ABCB1: variants seen among roughly 807,000 people sequenced by gnomAD.
ABCB1 encodes the protein ATP binding cassette subfamily B member 1.
ABCB1 carries 69 observed loss-of-function variants against 142.0 expected under a neutral mutation model. The observed-to-expected ratio is 0.49, with a 90% CI of 0.40 to 0.59. The LOEUF (loss-of-function observed/expected upper bound fraction) is 0.59. Ranked by LOEUF, ABCB1 falls within the 20% of genes least tolerant of loss-of-function variation. The pLI is 0.00. For missense variants in ABCB1, 1,326 were observed against 1,554.7 expected (o/e 0.85, Z 2.47); for synonymous variants, 532 against 539.2 (o/e 0.99, Z 0.18).
At chr7:87,580,007 T>G (rs1195942743) in intron 4 of ABCB1, among the ~76,000 whole-genome samples, 1 of 152,226 alleles carries the variant, frequency 6.6e-6, no homozygotes, top group East Asian at 1.9e-4. Context: ...GACTGTGTCT[T>G]GAACAGTTAT....
intron 1 of ABCB1, among the ~76,000 whole-genome samples, chr7:87,650,173 G>A (rs1487852241): frequency 6.6e-6 from 1 of 152,150 alleles, no homozygotes; most frequent in Non-Finnish European, 1.5e-5. Context: ...CTGTTTTTGA[G>A]TATTTTGGAG....
At chr7:87,508,275 T>C (rs1814840639) in intron 26 of ABCB1, among the ~76,000 whole-genome samples, 2 of 152,370 alleles carry the variant, frequency 1.3e-5, no homozygotes, top group African/African-American at 2.4e-5. Flanking sequence ...CATGATCTCA[T>C]GTGACAGGTC....
In ABCB1 at chr7:87,546,041, T is replaced by C. The variant is rs777615938; in HGVS notation, c.1726-17A>G. The C allele has an allele frequency of 2.5e-6, 4 of 1,614,000 alleles. No individual in the cohort carries two copies. The highest frequency in any genetic ancestry group is 1.1e-5 in the South Asian group (1 of 91,062). On this transcript the variant is annotated splice_polypyrimidine_tract_variant and intron_variant, in intron 14 of 27. Transcript: ENST00000622132. ...TTTTCTGGCCTAAAGAGAGAGAAAT[T>C]TGGTTTTTGAATACATTAACAATTA...
At position 87,524,642 on chromosome 7, in the gene ABCB1, GAGTTGGTGGGTAC is replaced by G. The variant is rs1260915975; in HGVS notation, c.2686-3779_2686-3767del. ...GGAGATATACCTAATGTTAAATGAC[GAGTTGGTGGGTAC>G]AGCACACCAACATGGCACATGTATA... On this transcript the variant is annotated intron_variant, in intron 21 of 27. Coordinates refer to ENST00000622132, the MANE Select transcript of ABCB1 (RefSeq NM_001348946.2). Among the ~76,000 whole-genome samples the G allele has an allele frequency of 5.9e-5, 9 of 151,904 alleles. No homozygotes were observed. The East Asian group carries it at 1.7e-3, about 29-fold the overall frequency.
At chr7:87,514,422 C>T (rs1378117973) in intron 25 of ABCB1, among the ~76,000 whole-genome samples, 3 of 152,162 alleles carry the variant, frequency 2.0e-5, no homozygotes, top group Non-Finnish European at 4.4e-5. Flanking sequence ...CCCTGCCAGA[C>T]ACTTCCCTCA....
At chr7:87,631,396 T>C (rs1000092742) in intron 1 of ABCB1, among the ~76,000 whole-genome samples, 3 of 152,208 alleles carry the variant, frequency 2.0e-5, no homozygotes, top group African/African-American at 7.2e-5. Context: ...TAATTTTTTA[T>C]TTATTTATTT....
intron 4 of ABCB1, among the ~76,000 whole-genome samples, chr7:87,575,662 T>C (rs146287110): frequency 1.4e-3 from 208 of 152,332 alleles, no homozygotes; most frequent in African/African-American, 4.6e-3. Flanking sequence ...TAAATCCCTA[T>C]GGCATTGGCC....
chr7:87,683,302 A>G (rs979683911), intron 1 of ABCB1, among the ~76,000 whole-genome samples: 4 of 152,140 alleles, frequency 2.6e-5, no homozygotes, highest in African/African-American at 9.7e-5. Context: ...TCATGTGTTC[A>G]CTGGAATAGT....
intron 1 of ABCB1, among the ~76,000 whole-genome samples, chr7:87,682,400 C>T (rs1827014124): frequency 6.6e-6 from 1 of 152,146 alleles, no homozygotes; most frequent in African/African-American, 2.4e-5. Context: ...TTACTTTGCC[C>T]AGATCCATCA....
chr7:87,529,788 A>G (rs1303946771), intron 21 of ABCB1, among the ~76,000 whole-genome samples: 1 of 152,206 alleles, frequency 6.6e-6, no homozygotes, highest in African/African-American at 2.4e-5. Flanking sequence ...AGTCAACACC[A>G]TGGGGGAGAC....
chr7:87,658,781 G>A (rs1451431355), intron 1 of ABCB1, among the ~76,000 whole-genome samples: 1 of 152,132 alleles, frequency 6.6e-6, no homozygotes, highest in Non-Finnish European at 1.5e-5. Context: ...CAGCAATGAA[G>A]GAAACATTAA....
chr7:87,557,044 C>G (rs966156391), intron 8 of ABCB1, among the ~76,000 whole-genome samples: 6 of 152,178 alleles, frequency 3.9e-5, no homozygotes, highest in Admixed American at 3.9e-4. Flanking sequence ...GATGAAACCT[C>G]CTCAAAGAGG....
At chr7:87,516,731 CTTTTTTT>C (rs546527484) in intron 23 of ABCB1, 66 bp from the exon 24 acceptor site, 218 of 806,048 alleles carry the variant, frequency 2.7e-4, no homozygotes, top group East Asian at 4.4e-4. Context: ...GCTGACACTC[CTTTTTTT>C]TTTTTTTTTT....
At chr7:87,614,029 T>G (rs1482364324) in intron 1 of ABCB1, among the ~76,000 whole-genome samples, 2 of 152,150 alleles carry the variant, frequency 1.3e-5, no homozygotes, top group African/African-American at 4.8e-5. Context: ...TATCCTCTAT[T>G]TTTGGACAAA....
At chr7:87,704,253 A>G (rs1321189520) in intron 1 of ABCB1, among the ~76,000 whole-genome samples, 1 of 152,118 alleles carries the variant, frequency 6.6e-6, no homozygotes, top group African/African-American at 2.4e-5. Flanking sequence ...TTTATGGCTT[A>G]AGAATTATAT....
At chr7:87,706,157 C>T (rs529683343) in intron 1 of ABCB1, among the ~76,000 whole-genome samples, 128 of 152,280 alleles carry the variant, frequency 8.4e-4, no homozygotes, top group African/African-American at 3.0e-3. Flanking sequence ...TCCACATATC[C>T]ATGCATCTTT....
At chr7:87,650,240 C>G (rs1343450381) in intron 1 of ABCB1, among the ~76,000 whole-genome samples, 1 of 152,098 alleles carries the variant, frequency 6.6e-6, no homozygotes, top group Non-Finnish European at 1.5e-5. Context: ...ATTTCTGAGT[C>G]TTAGTTTTTT....
chr7:87,658,315 T>A (rs1240651167), intron 1 of ABCB1, among the ~76,000 whole-genome samples: 1 of 152,074 alleles, frequency 6.6e-6, no homozygotes, highest in Non-Finnish European at 1.5e-5. Context: ...ACCAGTGAAC[T>A]GAAAGACAAA....
intron 1 of ABCB1, among the ~76,000 whole-genome samples, chr7:87,664,758 T>C (rs1048754177): frequency 3.4e-4 from 52 of 152,088 alleles, no homozygotes; most frequent in African/African-American, 1.3e-3. Flanking sequence ...TATAAGTTTG[T>C]GTCATTGGAG....
Sources: allele counts gnomAD v4.1 joint callset (sites outside exome capture counted in the v4.1 genomes callset), GRCh38; gene constraint gnomAD v4.1.1; transcripts MANE v1.5; gene names NCBI Gene and HGNC (gene_info 2026-07-23, HGNC 2026-07-21).